The following ECSIT variants were observed in gnomAD, a reference collection of about 807,000 sequenced individuals.
The protein encoded by ECSIT is evolutionarily conserved signaling intermediate in Toll pathway, mitochondrial.
ECSIT carries 29 observed loss-of-function variants against 36.8 expected under a neutral mutation model. The observed-to-expected ratio is 0.79, with a 90% CI of 0.59 to 1.08. ECSIT has a LOEUF of 1.08. Ranked by LOEUF, ECSIT falls within the 50% of genes least tolerant of loss-of-function variation. The pLI is 0.00. For missense variants in ECSIT, 542 were observed against 581.0 expected (o/e 0.93, Z 0.69); for synonymous variants, 231 against 234.8 (o/e 0.98, Z 0.15).
At chr19:11,509,873 AC>A (rs1466894460) in intron 4 of ECSIT, among the ~76,000 whole-genome samples, 1 of 151,194 alleles carries the variant, frequency 6.6e-6, no homozygotes, top group Admixed American at 6.6e-5. Flanking sequence ...TACTAAAGAA[AC>A]TTTTTTTTTT....
At position 11,522,226 on chromosome 19, in the gene ECSIT, C is replaced by G. The variant is rs1422782971; in HGVS notation, c.-23-3033G>C. The G allele has an allele frequency of 2.7e-5, 16 of 582,044 alleles. No individual in the cohort carries two copies. In the Admixed American group the frequency reaches 4.2e-4, roughly 15 times the overall value. The allele number at this position is 582,044 out of a possible 1,614,324, so 36.1% of individuals were successfully genotyped here. On this transcript the variant is annotated intron_variant, in intron 1 of 7. Transcript: ENST00000270517. ...GGCATCTGGCTGCGCTACAAACTCC[C>G]AGAGCAGCACCCACAACATGTACCA...
At chr19:11,509,816 T>G (rs960748835) in intron 4 of ECSIT, among the ~76,000 whole-genome samples, 18 of 151,820 alleles carry the variant, frequency 1.2e-4, no homozygotes, top group African/African-American at 4.3e-4. Context: ...TCTAGTTGTA[T>G]TAAATGAAAT....
At chr19:11,518,016 G>A (rs1972030524) in intron 2 of ECSIT, among the ~76,000 whole-genome samples, 1 of 151,920 alleles carries the variant, frequency 6.6e-6, no homozygotes, top group African/African-American at 2.4e-5. Flanking sequence ...TTAGGGTCCA[G>A]GCACAGTGGC....
intron 7 of ECSIT, 31 bp downstream of exon 7, chr19:11,507,424 CAT>C (rs1347215886): frequency 6.4e-6 from 10 of 1,564,444 alleles, no homozygotes; most frequent in South Asian, 2.2e-5. Context: ...TACGAGCACA[CAT>C]GTGAGCCACC....
chr19:11,512,961 C>T lies in ECSIT; in HGVS notation c.738+95G>A. 3.1e-6 allele frequency: 4 copies of T among 1,283,252 alleles called. No homozygotes were observed. The South Asian group carries it at 3.6e-5, about 12-fold the overall frequency. The allele number at this position is 1,283,252 out of a possible 1,614,324, so 79.5% of individuals were successfully genotyped here. A position where few individuals can be genotyped will look rare whatever the true frequency, so the allele number is the denominator to read the frequency against. On this transcript the variant is annotated intron_variant, in intron 4 of 7. Transcript: ENST00000270517. ...CTGTCTCAAAAAAGAACTTGATTCACCACAATCACTAGAGTGAGAGAAGGG... is the reference window on the plus strand; with the variant it reads ...CTGTCTCAAAAAAGAACTTGATTCATCACAATCACTAGAGTGAGAGAAGGG...
chr19:11,524,487 GCA>G (rs1972172179), intron 1 of ECSIT, among the ~76,000 whole-genome samples: 1 of 151,732 alleles, frequency 6.6e-6, no homozygotes, highest in Admixed American at 6.6e-5. Flanking sequence ...GCGCCACACT[GCA>G]CTCCAGTCTG....
At chr19:11,518,733 C>CA (rs1023628933) in intron 2 of ECSIT, among the ~76,000 whole-genome samples, 4 of 151,654 alleles carry the variant, frequency 2.6e-5, no homozygotes, top group Admixed American at 6.6e-5. Context: ...CCCGTCTCTA[C>CA]AAAAAAAATA....
chr19:11,523,633 T>TC (rs1213181166), intron 1 of ECSIT: 1 of 848,900 alleles, frequency 1.2e-6, no homozygotes, highest in Non-Finnish European at 2.0e-6. Flanking sequence ...GCTGGTGGAG[T>TC]CCCTTTGTGC....
In ECSIT at chr19:11,507,572, G is replaced by A. The variant is rs763594826; in HGVS notation, c.946-10C>T. On this transcript the variant is annotated splice_polypyrimidine_tract_variant and intron_variant, in intron 6 of 7. Transcript: ENST00000270517. ...GCGTCTCTTCCACTTCCTACTCCAA[G>A]GTGGGGAGTGCAGGCGGGGTCAGAG... is the stretch of plus-strand genomic sequence containing the variant. 1 of 1,613,604 alleles carries A rather than the reference G, an allele frequency of 6.2e-7. No individual in the cohort carries two copies. The highest frequency in any genetic ancestry group is 1.1e-5 in the South Asian group (1 of 91,068).
Position 11,506,161 on chromosome 19 carries a change from C to T in ECSIT, c.*23G>A. ...GTCCACCGCCTCCTCGGGCCACAGCCCGTGCCCTCGCGCCGGCTCAGACTA... is the reference window on the plus strand; with the variant it reads ...GTCCACCGCCTCCTCGGGCCACAGCTCGTGCCCTCGCGCCGGCTCAGACTA... On this transcript the variant is annotated 3_prime_UTR_variant, in exon 8 of 8. Coordinates refer to ENST00000270517, the MANE Select transcript of ECSIT (RefSeq NM_016581.5). The T allele has an allele frequency of 2.5e-6, 4 of 1,601,122 alleles. No individual in the cohort carries two copies. Among genetic ancestry groups the T allele is most frequent in the Non-Finnish European group, 2.5e-6 (3 of 1,179,254 alleles).
rs544002101 is a variant in ECSIT, at chr19:11,519,679, T to G, written c.-23-486A>C. On this transcript the variant is annotated intron_variant, in intron 1 of 7. Transcript: ENST00000270517. The surrounding 1 kb of genome is among the most constrained non-coding windows in gnomAD (Gnocchi z 4.4). ...TCTGTGTCACTCCAACAAGAATCCCTGTACCTGGCCAGGCGCGGTGGCTCA... is the reference window on the plus strand; with the variant it reads ...TCTGTGTCACTCCAACAAGAATCCCGGTACCTGGCCAGGCGCGGTGGCTCA... Among the ~76,000 whole-genome samples the G allele has an allele frequency of 6.6e-6, 1 of 152,058 alleles. No homozygotes were observed. Among genetic ancestry groups the G allele is most frequent in the African/African-American group, 2.4e-5 (1 of 41,488 alleles).
chr19:11,508,150 C>G (rs543755519), intron 4 of ECSIT, 102 bp from the exon 5 acceptor site: 2 of 1,400,494 alleles, frequency 1.4e-6, no homozygotes, highest in African/African-American at 2.8e-5. Flanking sequence ...TTCAGGACAC[C>G]TCTCCTGGAT....
intron 3 of ECSIT, 115 bp from the exon 4 acceptor site, chr19:11,513,394 C>G: frequency 1.1e-6 from 1 of 944,758 alleles, no homozygotes. Context: ...AGAAAAGAAT[C>G]AGAGAGAATT....
rs1226001286 is a variant in ECSIT at position 11,519,506 on chromosome 19, A to T, written c.-23-313T>A. ...CACCATGCCCAGCTAATTTGAAAATAGTTTGCAGAGACCCAGGGTCTTGCT... is the reference window on the plus strand; with the variant it reads ...CACCATGCCCAGCTAATTTGAAAATTGTTTGCAGAGACCCAGGGTCTTGCT... On this transcript the variant is annotated intron_variant, in intron 1 of 7. Transcript: ENST00000270517. The surrounding 1 kb of genome is among the most constrained non-coding windows in gnomAD (Gnocchi z 4.4). Among the ~76,000 whole-genome samples the T allele has an allele frequency of 6.6e-6, 1 of 152,080 alleles. No individual in the cohort carries two copies. Among genetic ancestry groups the T allele is most frequent in the Admixed American group, 6.6e-5 (1 of 15,244 alleles).
chr19:11,507,644 T>TCA lies in ECSIT; in HGVS notation c.945+56_945+57dup. 1.9e-6 allele frequency: 3 copies of TCA among 1,613,568 alleles called. No individual in the cohort carries two copies. The East Asian group carries it at 6.7e-5, about 36-fold the overall frequency. On this transcript the variant is annotated intron_variant, in intron 6 of 7. Transcript: ENST00000270517. Reference sequence around the variant, plus strand: ...CTCCTCCAGCCTCTCCCATGCACCCTCAGGGTAGTGCCAGCCCACTCCCCA... The same window carrying TCA: ...CTCCTCCAGCCTCTCCCATGCACCCTCACAGGGTAGTGCCAGCCCACTCCCCA...
chr19:11,518,840 A>G (rs1176691751), intron 2 of ECSIT, among the ~76,000 whole-genome samples: 1 of 152,166 alleles, frequency 6.6e-6, no homozygotes, highest in Non-Finnish European at 1.5e-5. Context: ...TCAAGACTAC[A>G]GTGAGCTGTA....
intron 3 of ECSIT, among the ~76,000 whole-genome samples, 191 bp downstream of exon 3, chr19:11,513,613 G>GGGGGA (rs558803872): frequency 3.4e-5 from 4 of 117,342 alleles, no homozygotes; most frequent in Non-Finnish European, 7.0e-5. Context: ...AGGGAGGGAG[G>GGGGGA]GGGGAGGGGA....
intron 7 of ECSIT, 59 bp downstream of exon 7, chr19:11,507,398 G>C: frequency 7.1e-7 from 1 of 1,407,950 alleles, no homozygotes; most frequent in East Asian, 2.3e-5. Flanking sequence ...ACCTCAGCCT[G>C]TAGGAGGGCT....
chr19:11,511,392 AGG>A (rs1971867561), intron 4 of ECSIT, among the ~76,000 whole-genome samples: 1 of 152,246 alleles, frequency 6.6e-6, no homozygotes, highest in South Asian at 2.1e-4. Context: ...AGCACGGTGA[AGG>A]GGTGGTGCCT....
Sources: gnomAD v4.1 joint callset for allele counts (sites outside exome capture counted in the v4.1 genomes callset) on GRCh38, gnomAD v4.1.1 for gene constraint, Gnocchi (gnomAD v3.1) non-coding constraint, MANE v1.5 for transcripts, NCBI Gene and HGNC (gene_info 2026-07-23, HGNC 2026-07-21) for gene names.